Variants in ANKRD33B observed in about 807,000 individuals in gnomAD.
The protein encoded by ANKRD33B is ankyrin repeat domain-containing protein 33B.
A neutral mutation model predicts 21.5 loss-of-function variants in ANKRD33B; 6 were observed. The ratio of observed to expected loss-of-function variants is 0.28; its 90% CI spans 0.15 to 0.55. The LOEUF is 0.55. ANKRD33B is among the 20% of genes least tolerant of loss of function. The pLI is 0.94. For missense variants in ANKRD33B, 698 were observed against 747.2 expected, an observed-to-expected ratio of 0.93 and a Z score of 0.77; for synonymous variants, 347 against 342.4, an observed-to-expected ratio of 1.01 and a Z score of -0.15.
chr5:10,591,134 G>C (rs1332278702), intron 1 of ANKRD33B, among the ~76,000 whole-genome samples: 2 of 149,576 alleles, frequency 1.3e-5, no homozygotes, highest in African/African-American at 4.9e-5. Flanking sequence ...TTGCTCTATT[G>C]CTTCAAAATG....
intron 1 of ANKRD33B, among the ~76,000 whole-genome samples, 190 bp downstream of exon 1, chr5:10,565,023 G>C (rs2126539534): frequency 6.6e-6 from 1 of 152,364 alleles, no homozygotes. Context: ...TCAGGCTGGG[G>C]GACGCGGTGC....
At chr5:10,607,938 G>C (rs759680250) in intron 1 of ANKRD33B, among the ~76,000 whole-genome samples, 7 of 152,180 alleles carry the variant, frequency 4.6e-5, no homozygotes, top group Non-Finnish European at 1.0e-4. Context: ...TGAGCATGTC[G>C]TCTTAGGCGT....
chr5:10,581,150 C>T (rs917303477), intron 1 of ANKRD33B, among the ~76,000 whole-genome samples: 2 of 152,224 alleles, frequency 1.3e-5, no homozygotes, highest in Non-Finnish European at 2.9e-5. Flanking sequence ...GGCCTGGTCC[C>T]ACCCCTTAAG....
intron 2 of ANKRD33B, among the ~76,000 whole-genome samples, chr5:10,632,168 G>A (rs1277131666): frequency 1.3e-5 from 2 of 152,004 alleles, no homozygotes; most frequent in African/African-American, 4.8e-5. Context: ...TTCCTTCTCG[G>A]AGGCCCGTGA....
rs1207717093 is a variant in ANKRD33B at position 10,657,288 on chromosome 5, A to G, written c.*7175A>G. On this transcript the variant is annotated 3_prime_UTR_variant, in exon 4 of 4. Transcript: ENST00000296657. ...TGGAATTCTCTTTGTTCTGCCCGAC[A>G]TTTGGGGGTGTCCAAGGACCTGTGT... 3 of 152,382 alleles carry G rather than the reference A, an allele frequency of 2.0e-5. No individual in the cohort carries two copies. Among genetic ancestry groups the G allele is most frequent in the African/African-American group, 7.2e-5 (3 of 41,472 alleles). 9.4% of individuals were successfully genotyped at this position (152,382 alleles called of 1,614,324 possible). A position where few individuals can be genotyped will look rare whatever the true frequency, so the allele number is the denominator to read the frequency against.
chr5:10,625,933 G>A (rs946050750), intron 2 of ANKRD33B, among the ~76,000 whole-genome samples: 1 of 152,122 alleles, frequency 6.6e-6, no homozygotes, highest in African/African-American at 2.4e-5. Context: ...TGTCAATTAC[G>A]GGGGGAAGGG....
chr5:10,584,887 C>A (rs983913776), intron 1 of ANKRD33B, among the ~76,000 whole-genome samples: 2 of 152,160 alleles, frequency 1.3e-5, no homozygotes, highest in Non-Finnish European at 2.9e-5. Context: ...AAATTTCCGT[C>A]CTCGTTGAGG....
chr5:10,618,008 C>T (rs1560975699), intron 1 of ANKRD33B, among the ~76,000 whole-genome samples: 1 of 152,210 alleles, frequency 6.6e-6, no homozygotes, highest in Non-Finnish European at 1.5e-5. Context: ...CGCCGTCTGC[C>T]GTGCTCTGTC....
At chr5:10,616,211 T>G (rs1172096339) in intron 1 of ANKRD33B, among the ~76,000 whole-genome samples, 3 of 152,176 alleles carry the variant, frequency 2.0e-5, no homozygotes, top group Admixed American at 2.0e-4. Flanking sequence ...ACTAGGAGCC[T>G]TATTGAGATA....
intron 2 of ANKRD33B, among the ~76,000 whole-genome samples, chr5:10,632,529 C>T (rs1233319893): frequency 6.6e-6 from 1 of 152,198 alleles, no homozygotes; most frequent in Non-Finnish European, 1.5e-5. Context: ...TACCACAGAC[C>T]TGTCCATCCA....
intron 1 of ANKRD33B, among the ~76,000 whole-genome samples, chr5:10,610,865 C>T (rs1381415408): frequency 6.6e-6 from 1 of 151,886 alleles, no homozygotes; most frequent in African/African-American, 2.4e-5. Flanking sequence ...GCCAACGTGG[C>T]GAAACCCGTC....
chr5:10,636,414 C>G (rs1210559426), intron 2 of ANKRD33B, among the ~76,000 whole-genome samples: 1 of 151,998 alleles, frequency 6.6e-6, no homozygotes, highest in African/African-American at 2.4e-5. Flanking sequence ...GAGTTTGAGA[C>G]CAGCCTCGGC....
intron 2 of ANKRD33B, among the ~76,000 whole-genome samples, chr5:10,624,298 T>A (rs1736492943): frequency 1.3e-5 from 2 of 152,086 alleles, no homozygotes; most frequent in South Asian, 4.1e-4. Flanking sequence ...CCCAGCTACT[T>A]CTTGTATTTT....
At chr5:10,613,990 C>T (rs1246133961) in intron 1 of ANKRD33B, among the ~76,000 whole-genome samples, 10 of 141,384 alleles carry the variant, frequency 7.1e-5, no homozygotes, top group African/African-American at 1.9e-4. Context: ...CCAGAGAAAT[C>T]GTGTGTGTGT....
intron 1 of ANKRD33B, among the ~76,000 whole-genome samples, chr5:10,617,306 C>T (rs1480461482): frequency 6.6e-6 from 1 of 152,214 alleles, no homozygotes; most frequent in Non-Finnish European, 1.5e-5. Flanking sequence ...GAGACAGTCT[C>T]CCACAGTACA....
rs1247861989 is a variant in ANKRD33B at position 10,650,809 on chromosome 5, A to G, written c.*696A>G. ...ATATAGTAATATATTGAGGAAAAAC[A>G]TATTGTCAAATTATAAAACAATGGA... On this transcript the variant is annotated 3_prime_UTR_variant, in exon 4 of 4. Transcript: ENST00000296657. 2 of 152,392 alleles carry G rather than the reference A, an allele frequency of 1.3e-5. No homozygotes were observed. Among genetic ancestry groups the G allele is most frequent in the Non-Finnish European group, 2.9e-5 (2 of 68,046 alleles). 9.4% of individuals were successfully genotyped at this position (152,392 alleles called of 1,614,324 possible). A position where few individuals can be genotyped will look rare whatever the true frequency, so the allele number is the denominator to read the frequency against.
At chr5:10,595,522 A>G (rs546805795) in intron 1 of ANKRD33B, among the ~76,000 whole-genome samples, 37 of 152,200 alleles carry the variant, frequency 2.4e-4, no homozygotes, top group Admixed American at 9.8e-4. Flanking sequence ...TAAAGATGCT[A>G]TTTCCCAACA....
intron 1 of ANKRD33B, among the ~76,000 whole-genome samples, chr5:10,592,196 G>A (rs1184783484): frequency 1.3e-5 from 2 of 151,972 alleles, no homozygotes; most frequent in Non-Finnish European, 2.9e-5. Flanking sequence ...TAAAGACAGG[G>A]TCTTATTTTG....
At chr5:10,635,494 G>A (rs1002847799) in intron 2 of ANKRD33B, among the ~76,000 whole-genome samples, 2 of 152,196 alleles carry the variant, frequency 1.3e-5, no homozygotes, top group Non-Finnish European at 2.9e-5. Context: ...TGTGAGTCAC[G>A]CAGCGAGGGG....
Sources: gnomAD v4.1 joint callset for allele counts (sites outside exome capture counted in the v4.1 genomes callset) on GRCh38, gnomAD v4.1.1 for gene constraint, MANE v1.5 for transcripts, NCBI Gene and HGNC (gene_info 2026-07-23, HGNC 2026-07-21) for gene names.